Variants in CCSER2 observed in about 807,000 individuals in gnomAD.
CCSER2 encodes serine-rich coiled-coil domain-containing protein 2.
A neutral mutation model predicts 92.3 loss-of-function variants in CCSER2; 46 were observed. The observed-to-expected ratio is 0.50, with a 90% CI of 0.39 to 0.64. The LOEUF is 0.64. Among genes scored for constraint, CCSER2 ranks in the 30% least tolerant of loss-of-function variants. The pLI, the probability that CCSER2 is intolerant of heterozygous loss-of-function variation, is 0.00. For missense variants in CCSER2, 1,244 were observed against 1,238.9 expected (o/e 1.00, Z -0.06); for synonymous variants, 433 against 431.4 (o/e 1.00, Z -0.04).
intron 3 of CCSER2, among the ~76,000 whole-genome samples, chr10:84,412,296 T>G (rs908548526): frequency 1.2e-4 from 18 of 152,210 alleles, no homozygotes; most frequent in African/African-American, 4.3e-4. Flanking sequence ...AGGATGATGG[T>G]GACCTCATAG....
intron 3 of CCSER2, among the ~76,000 whole-genome samples, chr10:84,375,437 G>A (rs1370120111): frequency 3.9e-5 from 6 of 152,110 alleles, no homozygotes; most frequent in South Asian, 2.1e-4. Context: ...TTGAGTTCTC[G>A]TACAGTGATG....
At chr10:84,499,912 G>T in intron 9 of CCSER2, 4 of 1,613,744 alleles carry the variant, frequency 2.5e-6, no homozygotes, top group Non-Finnish European at 3.4e-6. Flanking sequence ...CCTTGGCAGG[G>T]CTCCTTCCAG....
intron 9 of CCSER2, chr10:84,507,364 A>G (rs1038957163): frequency 2.1e-6 from 2 of 970,288 alleles, no homozygotes; most frequent in African/African-American, 1.8e-5. Flanking sequence ...TTTTCCTACC[A>G]CCTTCCTCAT....
At position 84,514,419 on chromosome 10, in the gene CCSER2, C is replaced by T; in HGVS notation, c.*152C>T. On this transcript the variant is annotated 3_prime_UTR_variant, in exon 10 of 10. Transcript: ENST00000372088. The stretch of plus-strand genomic sequence containing the variant: ...TGTGGAAGCTTCTACTAGTTTGGCT[C>T]CTTCATTTTATATCCTGGTTGAAGT... 1 of 615,530 alleles carries T rather than the reference C, an allele frequency of 1.6e-6. No homozygotes were observed. The highest frequency in any genetic ancestry group is 2.2e-5 in the South Asian group (1 of 45,876). 38.1% of individuals were successfully genotyped at this position (615,530 alleles called of 1,614,324 possible).
intron 9 of CCSER2, among the ~76,000 whole-genome samples, chr10:84,478,220 A>G (rs1282498115): frequency 6.6e-6 from 1 of 152,246 alleles, no homozygotes; most frequent in Non-Finnish European, 1.5e-5. Context: ...TTGTTTTTCA[A>G]AAATGTTATA....
chr10:84,489,491 A>G (rs1848017343), intron 9 of CCSER2, among the ~76,000 whole-genome samples: 1 of 152,172 alleles, frequency 6.6e-6, no homozygotes, highest in African/African-American at 2.4e-5. Context: ...ACCATTATGT[A>G]ATGGCCTCCT....
In CCSER2 at chr10:84,457,282, T is replaced by C. The variant is rs1212710804; in HGVS notation, c.2065-6651T>C. ...AAAATATATTATATATAATATATTA[T>C]ATATTATATATTATATATAATATGT... is the stretch of plus-strand genomic sequence containing the variant. On this transcript the variant is annotated intron_variant, in intron 6 of 9. Coordinates refer to ENST00000372088, the MANE Select transcript of CCSER2 (RefSeq NM_001284240.2). Among the ~76,000 whole-genome samples, 55 of 75,750 alleles carry C rather than the reference T, an allele frequency of 7.3e-4. 2 individuals are homozygous for C. The highest frequency in any genetic ancestry group is 1.9e-3 in the South Asian group (6 of 3,238). 49.7% of individuals were successfully genotyped at this position (75,750 alleles called of 152,430 possible).
intron 3 of CCSER2, among the ~76,000 whole-genome samples, chr10:84,374,342 T>G (rs1589476049): frequency 6.6e-6 from 1 of 152,268 alleles, no homozygotes; most frequent in African/African-American, 2.4e-5. Flanking sequence ...TACAAGTGTA[T>G]TATTTTACTC....
At chr10:84,365,341 A>G (rs539430323) in intron 1 of CCSER2, among the ~76,000 whole-genome samples, 13 of 152,346 alleles carry the variant, frequency 8.5e-5, no homozygotes, top group African/African-American at 2.2e-4. Context: ...AATGAAGCAG[A>G]CTCACAATGT....
At chr10:84,378,537 C>T (rs998406107) in intron 3 of CCSER2, among the ~76,000 whole-genome samples, 1 of 149,800 alleles carries the variant, frequency 6.7e-6, no homozygotes, top group Non-Finnish European at 1.5e-5. Context: ...CAGGTTCAAG[C>T]GTTTCTTCTG....
chr10:84,490,529 A>G (rs914228491), intron 9 of CCSER2, among the ~76,000 whole-genome samples: 3 of 152,194 alleles, frequency 2.0e-5, no homozygotes, highest in African/African-American at 7.2e-5. Flanking sequence ...CAGTTGATCA[A>G]ATCGGCTACT....
chr10:84,359,256 ATT>A (rs1204219576), intron 1 of CCSER2, among the ~76,000 whole-genome samples: 2 of 152,106 alleles, frequency 1.3e-5, no homozygotes, highest in African/African-American at 2.4e-5. Flanking sequence ...AGGGGACTTC[ATT>A]TATCTCCCCC....
intron 5 of CCSER2, among the ~76,000 whole-genome samples, chr10:84,429,314 A>G (rs1224712969): frequency 2.6e-5 from 4 of 151,986 alleles, no homozygotes; most frequent in Non-Finnish European, 5.9e-5. Context: ...TGTTGCTTAA[A>G]TCTTCTGCTT....
rs377438949 is a variant in CCSER2 at position 84,339,851 on chromosome 10, A to AT, written c.-40+11050dup. 5.1e-5 allele frequency among the ~76,000 whole-genome samples: 7 copies of AT among 137,604 alleles called. No homozygotes were observed. The South Asian group carries it at 9.3e-4, about 18-fold the overall frequency. The allele number at this position is 137,604 out of a possible 152,430, so 90.3% of individuals were successfully genotyped here. On this transcript the variant is annotated intron_variant, in intron 1 of 9. Transcript: ENST00000372088. ...ATCACTTTATCTTTTTTATTTTTTT[A>AT]TTTTTTTGAGACGGAGTTTCACTCT...
At chr10:84,510,513 T>C (rs1042889697) in intron 9 of CCSER2, among the ~76,000 whole-genome samples, 3 of 152,234 alleles carry the variant, frequency 2.0e-5, no homozygotes, top group African/African-American at 7.2e-5. Flanking sequence ...TAATAAACAT[T>C]TAAAAAGTGT....
At chr10:84,392,171 C>G in intron 3 of CCSER2, 1 of 548,968 alleles carries the variant, frequency 1.8e-6, no homozygotes, top group South Asian at 1.9e-5. Context: ...AGGGAATACA[C>G]TACAATCTCA....
intron 8 of CCSER2, among the ~76,000 whole-genome samples, chr10:84,475,628 T>C (rs1183433729): frequency 6.6e-6 from 1 of 152,176 alleles, no homozygotes; most frequent in African/African-American, 2.4e-5. Context: ...AGTAATATTA[T>C]GAGTTTATCC....
chr10:84,374,806 G>A (rs1408475826), intron 3 of CCSER2, among the ~76,000 whole-genome samples: 5 of 152,204 alleles, frequency 3.3e-5, no homozygotes, highest in African/African-American at 1.2e-4. Context: ...TCCAGTAGTT[G>A]TATGGGAAAA....
intron 1 of CCSER2, among the ~76,000 whole-genome samples, chr10:84,365,895 A>G (rs907384759): frequency 6.6e-6 from 1 of 152,190 alleles, no homozygotes; most frequent in Admixed American, 6.5e-5. Context: ...ATGTAATATC[A>G]ATACCAGTTT....
Sources: allele counts gnomAD v4.1 joint callset (sites outside exome capture counted in the v4.1 genomes callset), GRCh38; gene constraint gnomAD v4.1.1; transcripts MANE v1.5; gene names NCBI Gene and HGNC (gene_info 2026-07-23, HGNC 2026-07-21).